Variants in ENTREP2 observed in about 807,000 individuals in gnomAD.
The protein encoded by ENTREP2 is endosomal transmembrane epsin interactor 2.
At chr15:29,246,690 CA>C in the ENTREP2 span, among the ~76,000 whole-genome samples, 1 of 150,278 alleles carries the variant, frequency 6.7e-6, no homozygotes, top group Non-Finnish European at 1.5e-5. Context: ...GCAACAAGAG[CA>C]AAACTCCATC....
chr15:29,537,005 G>T, the ENTREP2 span, among the ~76,000 whole-genome samples: 14 of 152,194 alleles, frequency 9.2e-5, no homozygotes, highest in Admixed American at 4.6e-4. Flanking sequence ...TGTGAGAGAA[G>T]AAATTTCTAT....
the ENTREP2 span, among the ~76,000 whole-genome samples, chr15:29,419,905 T>C: frequency 6.6e-6 from 1 of 152,068 alleles, no homozygotes; most frequent in Non-Finnish European, 1.5e-5. Flanking sequence ...CCAGCAAACT[T>C]ACACTAAAGA....
At chr15:29,126,598 G>A in the ENTREP2 span, 1 of 954,846 alleles carries the variant, frequency 1.0e-6, no homozygotes, top group Non-Finnish European at 1.6e-6. Context: ...GAAACCCTGG[G>A]GGTGCGGAAA....
chr15:29,160,992 T>C, the ENTREP2 span, among the ~76,000 whole-genome samples: 1 of 152,186 alleles, frequency 6.6e-6, no homozygotes, highest in East Asian at 1.9e-4. Flanking sequence ...GGATGGGTGT[T>C]GGGCTTTATC....
chr15:29,553,003 A>T, the ENTREP2 span, among the ~76,000 whole-genome samples: 1 of 152,228 alleles, frequency 6.6e-6, no homozygotes, highest in African/African-American at 2.4e-5. Context: ...AATGTTTCAT[A>T]CTGTAAACTT....
At chr15:29,183,035 A>T in the ENTREP2 span, among the ~76,000 whole-genome samples, 1 of 152,144 alleles carries the variant, frequency 6.6e-6, no homozygotes, top group African/African-American at 2.4e-5. Context: ...AATACAGAAA[A>T]TTTTTATCAC....
chr15:29,302,305 T>C, the ENTREP2 span, among the ~76,000 whole-genome samples: 1 of 152,230 alleles, frequency 6.6e-6, no homozygotes, highest in Non-Finnish European at 1.5e-5. Flanking sequence ...GTCCAAGCTG[T>C]TCATTCAACT....
chr15:29,555,309 G>A, the ENTREP2 span, among the ~76,000 whole-genome samples: 9 of 152,198 alleles, frequency 5.9e-5, no homozygotes, highest in African/African-American at 1.7e-4. Context: ...TTCAATGCCC[G>A]CTAGGGTTAC....
At chr15:29,422,044 G>C in the ENTREP2 span, among the ~76,000 whole-genome samples, 2 of 152,078 alleles carry the variant, frequency 1.3e-5, no homozygotes, top group Non-Finnish European at 2.9e-5. Context: ...GAAGCAGGTG[G>C]ATCACCTGAG....
At chr15:29,301,100 T>A in the ENTREP2 span, among the ~76,000 whole-genome samples, 2 of 152,180 alleles carry the variant, frequency 1.3e-5, no homozygotes, top group Admixed American at 1.3e-4. Flanking sequence ...AAAGTTTGGA[T>A]TTTCTAACCA....
At chr15:29,346,683 C>T in the ENTREP2 span, among the ~76,000 whole-genome samples, 1 of 152,222 alleles carries the variant, frequency 6.6e-6, no homozygotes, top group Non-Finnish European at 1.5e-5. Context: ...TATTTCACTT[C>T]CCTCTCATCT....
chr15:29,451,067 C>T, the ENTREP2 span, among the ~76,000 whole-genome samples: 1 of 151,970 alleles, frequency 6.6e-6, no homozygotes, highest in Admixed American at 6.6e-5. Flanking sequence ...CACGAATTTA[C>T]CTGTATAACA....
chr15:29,181,805 T>A, the ENTREP2 span, among the ~76,000 whole-genome samples: 1 of 152,214 alleles, frequency 6.6e-6, no homozygotes, highest in Non-Finnish European at 1.5e-5. Context: ...CTTAGCAGAC[T>A]GGTAACAAAA....
the ENTREP2 span, among the ~76,000 whole-genome samples, chr15:29,578,897 T>C: frequency 7.5e-3 from 1,140 of 152,290 alleles, 18 homozygotes; most frequent in African/African-American, 0.026. Flanking sequence ...GACTTAATTA[T>C]TGAAGGAGGG....
At chr15:29,357,392 C>G in the ENTREP2 span, among the ~76,000 whole-genome samples, 15 of 151,742 alleles carry the variant, frequency 9.9e-5, no homozygotes, top group Non-Finnish European at 2.1e-4. Flanking sequence ...GTCAAAGCCT[C>G]GGAGGGGGTA....
At chr15:29,445,729 T>C in the ENTREP2 span, among the ~76,000 whole-genome samples, 2 of 152,216 alleles carry the variant, frequency 1.3e-5, no homozygotes, top group African/African-American at 2.4e-5. Context: ...TCTTGAGCCA[T>C]GCCAGCCATC....
chr15:29,229,789 A>C, the ENTREP2 span, among the ~76,000 whole-genome samples: 1 of 151,714 alleles, frequency 6.6e-6, no homozygotes, highest in Non-Finnish European at 1.5e-5. Flanking sequence ...TGCTCTTCTC[A>C]TTTTATCCTC....
At chr15:29,458,157 A>G in the ENTREP2 span, among the ~76,000 whole-genome samples, 2 of 152,158 alleles carry the variant, frequency 1.3e-5, no homozygotes, top group Non-Finnish European at 2.9e-5. Flanking sequence ...GCCTGAGGAC[A>G]GGGTCCAAAG....
At chr15:29,283,802 A>C in the ENTREP2 span, among the ~76,000 whole-genome samples, 9 of 152,222 alleles carry the variant, frequency 5.9e-5, no homozygotes, top group African/African-American at 2.2e-4. Context: ...CTGCCAGAAC[A>C]GAAAAATGCT....
Sources: allele counts gnomAD v4.1 joint callset (sites outside exome capture counted in the v4.1 genomes callset), GRCh38; gene constraint gnomAD v4.1.1; transcripts MANE v1.5; gene names NCBI Gene and HGNC (gene_info 2026-07-23, HGNC 2026-07-21).